Variants in MELTF observed in about 807,000 individuals in gnomAD.
The protein encoded by MELTF is antigen p97 (melanoma associated) identified by monoclonal antibodies 133.2 and 96.5.
MELTF carries 67 observed loss-of-function variants against 83.7 expected under a neutral mutation model. The ratio of observed to expected loss-of-function variants is 0.80; its 90% confidence interval spans 0.66 to 0.98. MELTF has a LOEUF of 0.98. MELTF is among the 50% of genes least tolerant of loss of function. The pLI is 0.00. For synonymous variants in MELTF, 462 were observed against 447.6 expected, an observed-to-expected ratio of 1.03 and a Z score of -0.41; for missense variants, 1,002 against 1,035.6, an observed-to-expected ratio of 0.97 and a Z score of 0.44.
intron 6 of MELTF, 64 bp downstream of exon 6, chr3:197,021,340 C>G: frequency 6.5e-7 from 1 of 1,543,324 alleles, no homozygotes; most frequent in Non-Finnish European, 8.9e-7. Context: ...ATCTAGGGTC[C>G]CTGCCCCAAG....
At position 197,026,774 on chromosome 3, in the gene MELTF, G is replaced by C. The variant is rs956647564; in HGVS notation, c.205-15C>G. 3.7e-6 allele frequency: 6 copies of C among 1,608,748 alleles called. No individual in the cohort carries two copies. The highest frequency in any genetic ancestry group is 5.1e-6 in the Non-Finnish European group (6 of 1,178,828). ...GCCTCCTGGGCCTGCAAGGAAATGTGGCTCAGCCAAGCCTGGCCCAGCTGG... is the reference window on the plus strand; with the variant it reads ...GCCTCCTGGGCCTGCAAGGAAATGTCGCTCAGCCAAGCCTGGCCCAGCTGG... On this transcript the variant is annotated splice_polypyrimidine_tract_variant and intron_variant, in intron 2 of 15. Transcript: ENST00000296350.
chr3:197,014,394 T>G (rs1007862643), intron 9 of MELTF, among the ~76,000 whole-genome samples: 2 of 145,150 alleles, frequency 1.4e-5, no homozygotes, highest in Non-Finnish European at 1.5e-5. Flanking sequence ...TTTTTTTTTT[T>G]TTTTTTTTTT....
chr3:197,029,686 C>T lies in MELTF; in HGVS notation c.17G>A (p.Gly6Glu). Residue 6 changes from glycine (G) to glutamate (E), a missense_variant, in exon 1 of 16, where the codon GGG becomes GAG. Transcript: ENST00000296350. The surrounding 1 kb of genome is among the most constrained non-coding windows in gnomAD (Gnocchi z 6.5). Reference sequence around the variant, plus strand: ...CAGAGCCAGGAGCAGCCACAGAGCCCCGCTCGGACCCCGCATGGCGCCGTC... The same window carrying T: ...CAGAGCCAGGAGCAGCCACAGAGCCTCGCTCGGACCCCGCATGGCGCCGTC... The part of the protein sequence containing the change: MRGPS[G>E]ALWLLLALRT... 1.6e-6 allele frequency: 2 copies of T among 1,244,580 alleles called. No homozygotes were observed. The highest frequency in any genetic ancestry group is 2.0e-6 in the Non-Finnish European group (2 of 995,458). The allele number at this position is 1,244,580 out of a possible 1,614,324, so 77.1% of individuals were successfully genotyped here.
chr3:197,024,957 G>A lies in MELTF; in HGVS notation c.305-472C>T, dbSNP rs1304126922. Among the ~76,000 whole-genome samples, 2 of 152,214 alleles carry A rather than the reference G, an allele frequency of 1.3e-5. No homozygotes were observed. The highest frequency in any genetic ancestry group is 2.9e-5 in the Non-Finnish European group (2 of 68,040). On this transcript the variant is annotated intron_variant, in intron 3 of 15. Coordinates refer to ENST00000296350, the MANE Select transcript of MELTF (RefSeq NM_005929.6). The surrounding 1 kb of genome is among the most constrained non-coding windows in gnomAD (Gnocchi z 5.3). ...GGAGGGGCTTCCCCAGATGAGGAGC[G>A]GCGATTTCCTGGTGCTGAGGGGGTT...
intron 14 of MELTF, among the ~76,000 whole-genome samples, chr3:197,005,214 G>A (rs1340730601): frequency 6.6e-6 from 1 of 152,204 alleles, no homozygotes; most frequent in Non-Finnish European, 1.5e-5. Context: ...GGGATCTGCT[G>A]ATAGATTGGC....
At chr3:197,016,016 A>G (rs1719357165) in intron 8 of MELTF, among the ~76,000 whole-genome samples, 173 bp downstream of exon 8, 3 of 152,102 alleles carry the variant, frequency 2.0e-5, no homozygotes, top group African/African-American at 4.8e-5. Context: ...CAGGCCATAC[A>G]GTGGAAGAGA....
intron 6 of MELTF, 106 bp downstream of exon 6, chr3:197,021,298 A>G: frequency 9.9e-7 from 1 of 1,014,986 alleles, no homozygotes; most frequent in Non-Finnish European, 1.5e-6. Flanking sequence ...TCAGAGCAGC[A>G]CTGCACTAGG....
In MELTF at chr3:197,016,238, C is replaced by T. The variant is rs112676966; in HGVS notation, c.1032G>A (p.Leu344=). ...PIATQTYEAW[L]GHEYLHAMKG... Reference sequence around the variant, plus strand: ...TCATGGCGTGCAGGTACTCATGGCCCAGCCACGCCTCATAGGTCTGTGTGG... The same window carrying T: ...TCATGGCGTGCAGGTACTCATGGCCTAGCCACGCCTCATAGGTCTGTGTGG... Residue 344 remains leucine, a synonymous_variant, in exon 8 of 16, where the codon CTG becomes CTA. Transcript: ENST00000296350. 7.5e-4 allele frequency: 1,206 copies of T among 1,602,922 alleles called. 9 individuals are homozygous for T. In the African/African-American group the frequency reaches 0.015, roughly 20 times the overall value.
In MELTF at chr3:197,008,202, G is replaced by C. The variant is rs142401196; in HGVS notation, c.1750+455C>G. Among the ~76,000 whole-genome samples the C allele has an allele frequency of 2.8e-3, 421 of 152,292 alleles. 1 individual carries two copies. The highest frequency in any genetic ancestry group is 9.1e-3 in the African/African-American group (379 of 41,556). On this transcript the variant is annotated intron_variant, in intron 13 of 15. Coordinates refer to ENST00000296350, the MANE Select transcript of MELTF (RefSeq NM_005929.6). The surrounding 1 kb of genome is among the most constrained non-coding windows in gnomAD (Gnocchi z 5.4). Reference sequence around the variant, plus strand: ...AAACCCCCTGTGTGGTATGTTGGGCGTGCCCTGCCTCGGTGTGGCTTGGGG... The same window carrying C: ...AAACCCCCTGTGTGGTATGTTGGGCCTGCCCTGCCTCGGTGTGGCTTGGGG...
intron 9 of MELTF, among the ~76,000 whole-genome samples, chr3:197,014,423 T>C (rs1184807476): frequency 6.8e-6 from 1 of 147,560 alleles, no homozygotes; most frequent in African/African-American, 2.5e-5. Context: ...GTCTCTCTCT[T>C]GTCGCCCAGG....
chr3:197,008,550 T>G lies in MELTF; in HGVS notation c.1750+107A>C, dbSNP rs925891183. ...GGGGCACAGCCTTCTAGACTCAGCC[T>G]CTCTGAGCTGCTGCTTGGCCCCAGC... is the stretch of plus-strand genomic sequence containing the variant. On this transcript the variant is annotated intron_variant, in intron 13 of 15. Coordinates refer to ENST00000296350, the MANE Select transcript of MELTF (RefSeq NM_005929.6). The surrounding 1 kb of genome is among the most constrained non-coding windows in gnomAD (Gnocchi z 5.4). 2 of 1,294,708 alleles carry G rather than the reference T, an allele frequency of 1.5e-6. No individual in the cohort carries two copies. Among genetic ancestry groups the G allele is most frequent in the Non-Finnish European group, 2.2e-6 (2 of 923,498 alleles). The allele number at this position is 1,294,708 out of a possible 1,614,324, so 80.2% of individuals were successfully genotyped here. A position where few individuals can be genotyped will look rare whatever the true frequency, so the allele number is the denominator to read the frequency against.
At chr3:197,005,860 A>G (rs1315885061) in intron 14 of MELTF, among the ~76,000 whole-genome samples, 1 of 150,800 alleles carries the variant, frequency 6.6e-6, no homozygotes, top group African/African-American at 2.5e-5. Context: ...CATCCTTAAG[A>G]GAGGCCAGAG....
At chr3:197,016,393 A>G in intron 7 of MELTF, 24 bp from the exon 8 acceptor site, 7 of 1,486,486 alleles carry the variant, frequency 4.7e-6, no homozygotes, top group Non-Finnish European at 6.3e-6. Flanking sequence ...GGTGTGGTAC[A>G]GGGTGGTGAG....
Position 197,024,243 on chromosome 3 carries a change from A to G in MELTF, c.487+60T>C. ...GAGGCTACCCAGTGAAGGGACGAGC[A>G]TGGGCCAAGGAAAGGAGGGGGAGGC... On this transcript the variant is annotated intron_variant, in intron 4 of 15. Transcript: ENST00000296350. This position sits in a 1 kb window ranked among gnomAD's most constrained non-coding sequence, Gnocchi z 5.3. The G allele has an allele frequency of 6.7e-7, 1 of 1,496,172 alleles. No homozygotes were observed. The highest frequency in any genetic ancestry group is 1.3e-5 in the South Asian group (1 of 75,922). 92.7% of individuals were successfully genotyped at this position (1,496,172 alleles called of 1,614,324 possible).
In MELTF at chr3:197,022,979, A is replaced by G. The variant is rs756867794; in HGVS notation, c.622T>C (p.Tyr208His). ...CACCGGAAGGCCCCGCTGTAGTCGT[A>G]GTATCTCTCCAGGGGGCTCTTGTCA... ...VCDKSPLERYYDYSGAFRCLA... is the reference protein window; with the variant it reads ...VCDKSPLERYHDYSGAFRCLA... The change falls in exon 5 of 16, where the codon TAC becomes CAC. Residue 208 changes from tyrosine to histidine, a missense_variant. Coordinates refer to ENST00000296350, the MANE Select transcript of MELTF (RefSeq NM_005929.6). This position sits in a 1 kb window ranked among gnomAD's most constrained non-coding sequence, Gnocchi z 5.1. 12 of 1,611,136 alleles carry G rather than the reference A, an allele frequency of 7.4e-6. No homozygotes were observed. Among genetic ancestry groups the G allele is most frequent in the Admixed American group, 1.7e-5 (1 of 59,560 alleles).
chr3:197,008,339 T>A lies in MELTF; in HGVS notation c.1750+318A>T, dbSNP rs1405047223. ...GCTCATGCCACTCCCACCTCACACCTTGGCACTACATCAATACTCCCAGAA... is the reference window on the plus strand; with the variant it reads ...GCTCATGCCACTCCCACCTCACACCATGGCACTACATCAATACTCCCAGAA... On this transcript the variant is annotated intron_variant, in intron 13 of 15. Transcript: ENST00000296350. The surrounding 1 kb of genome is among the most constrained non-coding windows in gnomAD (Gnocchi z 5.4). Among the ~76,000 whole-genome samples the A allele has an allele frequency of 6.6e-6, 1 of 152,122 alleles. No individual in the cohort carries two copies. Among genetic ancestry groups the A allele is most frequent in the East Asian group, 1.9e-4 (1 of 5,188 alleles).
Position 197,022,924 on chromosome 3 carries a change from C to T in MELTF, c.644+33G>A, listed in dbSNP as rs200451653. The T allele has an allele frequency of 4.8e-5, 76 of 1,577,112 alleles. No individual in the cohort carries two copies. Among genetic ancestry groups the T allele is most frequent in the Non-Finnish European group, 6.2e-5 (72 of 1,162,508 alleles). Reference sequence around the variant, plus strand: ...CATTTGTGGCCTCAGCTCCTCCCTGCCCTCGGCCCCTCCCTGCCCCCACTC... The same window carrying T: ...CATTTGTGGCCTCAGCTCCTCCCTGTCCTCGGCCCCTCCCTGCCCCCACTC... On this transcript the variant is annotated intron_variant, in intron 5 of 15. Transcript: ENST00000296350. This position sits in a 1 kb window ranked among gnomAD's most constrained non-coding sequence, Gnocchi z 5.1.
chr3:197,015,923 G>A (rs1232050061), intron 8 of MELTF, among the ~76,000 whole-genome samples: 1 of 152,154 alleles, frequency 6.6e-6, no homozygotes, highest in African/African-American at 2.4e-5. Flanking sequence ...CGTGGATGGG[G>A]GGGCGAGGAG....
At position 197,022,880 on chromosome 3, in the gene MELTF, C is replaced by A. The variant is rs565238237; in HGVS notation, c.644+77G>T. On this transcript the variant is annotated intron_variant, in intron 5 of 15. Coordinates refer to ENST00000296350, the MANE Select transcript of MELTF (RefSeq NM_005929.6). The surrounding 1 kb of genome is among the most constrained non-coding windows in gnomAD (Gnocchi z 5.1). Reference sequence around the variant, plus strand: ...TTCCCCCTCCACGGCCCTCTCTGGGCAAAGGTGTTTTTCCCCAGCATTTGT... The same window carrying A: ...TTCCCCCTCCACGGCCCTCTCTGGGAAAAGGTGTTTTTCCCCAGCATTTGT... The A allele has an allele frequency of 1.4e-6, 2 of 1,416,324 alleles. No individual in the cohort carries two copies. Among genetic ancestry groups the A allele is most frequent in the South Asian group, 2.6e-5 (2 of 75,522 alleles). 87.7% of individuals were successfully genotyped at this position (1,416,324 alleles called of 1,614,324 possible). A position where few individuals can be genotyped will look rare whatever the true frequency, so the allele number is the denominator to read the frequency against.
Sources: allele counts gnomAD v4.1 joint callset (sites outside exome capture counted in the v4.1 genomes callset), GRCh38; gene constraint gnomAD v4.1.1; non-coding constraint Gnocchi (gnomAD v3.1); transcripts MANE v1.5; gene names NCBI Gene and HGNC (gene_info 2026-07-23, HGNC 2026-07-21).